The following USP24 variants were observed in gnomAD, a reference collection of about 807,000 sequenced individuals.
USP24 encodes ubiquitin specific peptidase 24, also known as ubiquitin carboxyl-terminal hydrolase 24.
In USP24, 97 loss-of-function variants were observed where a neutral mutation model predicts 361.6. That is an observed-to-expected ratio of 0.27 (90% CI 0.23 to 0.32). The LOEUF is 0.32. Ranked by LOEUF, USP24 falls within the 10% of genes least tolerant of loss-of-function variation. USP24 has a pLI of 1.00. For synonymous variants in USP24, 1,098 were observed against 1,124.6 expected, an observed-to-expected ratio of 0.98 and a Z score of 0.47; for missense variants, 2,353 against 3,165.6, an observed-to-expected ratio of 0.74 and a Z score of 6.16.
intron 53 of USP24, among the ~76,000 whole-genome samples, chr1:55,092,375 C>A (rs1222487034): frequency 6.6e-6 from 1 of 152,198 alleles, no homozygotes; most frequent in African/African-American, 2.4e-5. Flanking sequence ...AGTTGTTAGA[C>A]CGCAGGATGT....
chr1:55,129,454 TA>T, intron 32 of USP24, 22 bp downstream of exon 32: 1 of 1,604,916 alleles, frequency 6.2e-7, no homozygotes, highest in Non-Finnish European at 8.5e-7. Flanking sequence ...GCAACTCATG[TA>T]ACATTACATT....
At position 55,100,906 on chromosome 1, in the gene USP24, A is replaced by G. The variant is rs1417727810; in HGVS notation, c.5204T>C (p.Val1735Ala). Residue 1735 changes from valine (V) to alanine (A), a missense_variant, in exon 44 of 68, where the codon GTG becomes GCG. By Grantham distance (64) the Val-to-Ala change is moderately conservative. This residue lies in a region of USP24 where 949 missense variants were observed against 1,280.5 expected (regional missense o/e 0.74). Coordinates refer to ENST00000294383, the MANE Select transcript of USP24 (RefSeq NM_015306.3). ...DNPDDSVFYQ[V>A]QSLFGHLMES... ...CATTAAATGTCCAAAGAGAGACTGC[A>G]CTTGGTAAAACACGCTATCATCTGG... 1 of 1,613,770 alleles carries G rather than the reference A, an allele frequency of 6.2e-7. No individual in the cohort carries two copies.
In USP24 at chr1:55,157,373, A is replaced by G. The variant is rs1357475225; in HGVS notation, c.1228-3T>C. 1 of 1,523,632 alleles carries G rather than the reference A, an allele frequency of 6.6e-7. No homozygotes were observed. Among genetic ancestry groups the G allele is most frequent in the South Asian group, 1.2e-5 (1 of 81,170 alleles). The allele number at this position is 1,523,632 out of a possible 1,614,324, so 94.4% of individuals were successfully genotyped here. A position where few individuals can be genotyped will look rare whatever the true frequency, so the allele number is the denominator to read the frequency against. On this transcript the variant is annotated splice_polypyrimidine_tract_variant and splice_region_variant and intron_variant, in intron 10 of 67. Coordinates refer to ENST00000294383, the MANE Select transcript of USP24 (RefSeq NM_015306.3). Reference sequence around the variant, plus strand: ...CTATCTTCTATTAGTTTGGTTACCTAAAAAGATAAGATTATTGTGACTGAG... The same window carrying G: ...CTATCTTCTATTAGTTTGGTTACCTGAAAAGATAAGATTATTGTGACTGAG...
rs183575849 is a variant in USP24, at chr1:55,075,422, T to A, written c.7447+35A>T. On this transcript the variant is annotated intron_variant, in intron 63 of 67. Coordinates refer to ENST00000294383, the MANE Select transcript of USP24 (RefSeq NM_015306.3). Reference sequence around the variant, plus strand: ...AACAATAGATTATCCACATATTTACTATAGACATTTGTGCATAAGACCAGG... The same window carrying A: ...AACAATAGATTATCCACATATTTACAATAGACATTTGTGCATAAGACCAGG... The A allele has an allele frequency of 1.9e-4, 302 of 1,551,344 alleles. 1 individual carries two copies. The African/African-American group carries it at 3.5e-3, about 18-fold the overall frequency.
chr1:55,103,854 C>T (rs775210370), intron 42 of USP24, 22 bp downstream of exon 42: 3 of 1,597,480 alleles, frequency 1.9e-6, no homozygotes, highest in Middle Eastern at 1.7e-4. Context: ...AAATTAAGTT[C>T]ATCAACGTCT....
At chr1:55,199,622 T>A (rs61771001) in intron 1 of USP24, among the ~76,000 whole-genome samples, 32,332 of 110,686 alleles carry the variant, frequency 0.29, 4,101 homozygotes, top group African/African-American at 0.42. Flanking sequence ...TGTGTGTGTG[T>A]GAGAGAGAGA....
intron 16 of USP24, among the ~76,000 whole-genome samples, chr1:55,150,779 G>A (rs1366295995): frequency 6.6e-6 from 1 of 152,150 alleles, no homozygotes; most frequent in Non-Finnish European, 1.5e-5. Context: ...GAAAGATGTT[G>A]TTTATTTCAT....
intron 1 of USP24, among the ~76,000 whole-genome samples, chr1:55,204,730 G>T (rs939804657): frequency 6.6e-6 from 1 of 152,170 alleles, no homozygotes; most frequent in South Asian, 2.1e-4. Flanking sequence ...GTTCACCATT[G>T]TATTCATTTC....
chr1:55,073,833 A>G lies in USP24; in HGVS notation c.7521T>C (p.Ala2507=). The change falls in exon 64 of 68, where the codon GCT becomes GCC. Residue 2507 remains alanine (A), a synonymous_variant. Transcript: ENST00000294383. The part of the protein sequence containing the change: ...YQCVKFLVTL[A]QKCPAAKEYF... ...CATTTTAATTCAATACTTACTTTTGAGCAAGAGTGACAAGAAATTTGACAC... is the reference window on the plus strand; with the variant it reads ...CATTTTAATTCAATACTTACTTTTGGGCAAGAGTGACAAGAAATTTGACAC... 6.4e-7 allele frequency: 1 copy of G among 1,571,134 alleles called. No individual in the cohort carries two copies. The highest frequency in any genetic ancestry group is 2.3e-5 in the East Asian group (1 of 42,872).
At chr1:55,168,521 T>A in intron 5 of USP24, among the ~76,000 whole-genome samples, 1 of 152,070 alleles carries the variant, frequency 6.6e-6, no homozygotes, top group Non-Finnish European at 1.5e-5. Context: ...CACAGGCAGC[T>A]GCAGAGCCCT....
intron 1 of USP24, among the ~76,000 whole-genome samples, chr1:55,188,964 C>CAAAAAAAAAAAAAAAAA (rs533085761): frequency 1.3e-4 from 10 of 74,392 alleles, no homozygotes; most frequent in African/African-American, 5.7e-4. Flanking sequence ...AACTCCATCT[C>CAAAAAAAAAAAAAAAAA]AAAAAAAAAA....
chr1:55,069,726 G>T (rs191088326), intron 67 of USP24, among the ~76,000 whole-genome samples: 102 of 151,886 alleles, frequency 6.7e-4, no homozygotes, highest in African/African-American at 2.2e-3. Flanking sequence ...CAGAAAATGG[G>T]CCAGGCACAG....
At position 55,176,204 on chromosome 1, in the gene USP24, T is replaced by C. The variant is rs140779397; in HGVS notation, c.558+172A>G. 2.8e-3 allele frequency among the ~76,000 whole-genome samples: 430 copies of C among 152,344 alleles called. 3 individuals are homozygous for C. Among genetic ancestry groups the C allele is most frequent in the African/African-American group, 9.8e-3 (407 of 41,584 alleles). ...CAATATAAAAGAAGTAAATCATTTA[T>C]AAGCCCCAAATTCAGAGTTCCGTTT... is the stretch of plus-strand genomic sequence containing the variant. On this transcript the variant is annotated intron_variant, in intron 3 of 67. Coordinates refer to ENST00000294383, the MANE Select transcript of USP24 (RefSeq NM_015306.3).
chr1:55,105,255 C>T (rs1645739651), intron 41 of USP24, among the ~76,000 whole-genome samples: 1 of 152,146 alleles, frequency 6.6e-6, no homozygotes, highest in African/African-American at 2.4e-5. Context: ...CAAAACAGGG[C>T]TGGGGTAGCA....
intron 32 of USP24, among the ~76,000 whole-genome samples, chr1:55,127,027 A>T (rs1646450119): frequency 6.6e-6 from 1 of 151,900 alleles, no homozygotes; most frequent in South Asian, 2.1e-4. Context: ...GTCTTCCACA[A>T]GCTAAAATCA....
At chr1:55,098,192 C>T (rs1331456154) in intron 46 of USP24, 108 bp from the exon 47 acceptor site, 2 of 1,306,026 alleles carry the variant, frequency 1.5e-6, no homozygotes, top group Admixed American at 6.4e-5. Context: ...ATCTGGGAGT[C>T]CCTCAATATT....
At chr1:55,178,227 G>T in intron 1 of USP24, 95 bp from the exon 2 acceptor site, 1 of 1,296,422 alleles carries the variant, frequency 7.7e-7, no homozygotes, top group Non-Finnish European at 1.1e-6. Flanking sequence ...CTGAATCAAT[G>T]GTAGCTATTA....
At chr1:55,069,827 T>C (rs1405950172) in intron 67 of USP24, among the ~76,000 whole-genome samples, 2 of 138,198 alleles carry the variant, frequency 1.4e-5, no homozygotes, top group Non-Finnish European at 3.0e-5. Context: ...GAGGTGAGAT[T>C]GCACCACTGC....
At chr1:55,107,634 G>A (rs1430484903) in intron 39 of USP24, among the ~76,000 whole-genome samples, 1 of 151,812 alleles carries the variant, frequency 6.6e-6, no homozygotes, top group African/African-American at 2.4e-5. Flanking sequence ...ATGAGGTCAG[G>A]AGTTCGAGAC....
Sources: gnomAD v4.1 joint callset for allele counts (sites outside exome capture counted in the v4.1 genomes callset) on GRCh38, gnomAD v4.1.1 for gene constraint, gnomAD v4.1.1 regional missense constraint, MANE v1.5 for transcripts, NCBI Gene and HGNC (gene_info 2026-07-23, HGNC 2026-07-21) for gene names.